BNC2: variants seen among roughly 807,000 people sequenced by gnomAD.
BNC2 encodes basonuclin zinc finger protein 2, also known as zinc finger protein basonuclin-2.
A neutral mutation model predicts 76.3 loss-of-function variants in BNC2; 20 were observed. That is an observed-to-expected ratio of 0.26 (90% CI 0.18 to 0.38). The LOEUF (loss-of-function observed/expected upper bound fraction) is 0.38. Ranked by LOEUF, BNC2 falls within the 10% of genes least tolerant of loss-of-function variation. The probability of loss-of-function intolerance (pLI) is 1.00; values close to 1 mark genes in which losing one functional copy is unlikely to be tolerated. For synonymous variants in BNC2, 582 were observed against 514.8 expected (o/e 1.13, Z -1.77); for missense variants, 1,382 against 1,399.8 (o/e 0.99, Z 0.20).
chr9:16,526,253 T>C (rs1004659981), intron 5 of BNC2, among the ~76,000 whole-genome samples: 2 of 152,062 alleles, frequency 1.3e-5, no homozygotes, highest in Non-Finnish European at 2.9e-5. Flanking sequence ...GCAAAGAATA[T>C]GGTATTTTTC....
At chr9:16,826,733 G>A (rs1473968718) in intron 1 of BNC2, among the ~76,000 whole-genome samples, 4 of 152,244 alleles carry the variant, frequency 2.6e-5, no homozygotes, top group Middle Eastern at 3.4e-3. Context: ...AACCCAAGTG[G>A]ACAATAGCTC....
intron 3 of BNC2, among the ~76,000 whole-genome samples, chr9:16,716,635 C>T (rs987987966): frequency 6.6e-6 from 1 of 152,184 alleles, no homozygotes; most frequent in African/African-American, 2.4e-5. Context: ...TAAAAACAGG[C>T]TATCTCTGAC....
intron 3 of BNC2, among the ~76,000 whole-genome samples, chr9:16,714,783 G>A (rs1245191577): frequency 1.3e-5 from 2 of 152,180 alleles, no homozygotes; most frequent in African/African-American, 4.8e-5. Context: ...ATAACAGGAT[G>A]ACCTTCAATT....
chr9:16,523,353 C>A (rs973270551), intron 5 of BNC2, among the ~76,000 whole-genome samples: 8 of 151,582 alleles, frequency 5.3e-5, no homozygotes, highest in African/African-American at 1.9e-4. Context: ...CGCCTGTGGT[C>A]CCAGCTACTT....
rs112319445 is a variant in BNC2 at position 16,419,590 on chromosome 9, C to A, written c.2699G>T (p.Gly900Val). ...KLLTKELDDM[G>V]LDSSQPSLSK... ...AAGGGAGGGCTGCGACGAGTCCAGG[C>A]CCATGTCATCGAGTTCTTTGGTCAA... The change falls in exon 7 of 7, where the codon GGC becomes GTC. Residue 900 changes from glycine (G) to valine (V), a missense_variant. Around this residue, in one of 3 missense-constraint regions of BNC2, gnomAD observed 798 missense variants for 775.5 expected, o/e 1.03. Coordinates refer to ENST00000380672, the MANE Select transcript of BNC2 (RefSeq NM_017637.6). The A allele has an allele frequency of 3.1e-6, 5 of 1,611,056 alleles. No homozygotes were observed. The highest frequency in any genetic ancestry group is 2.7e-5 in the African/African-American group (2 of 73,832).
In BNC2 at chr9:16,437,184, C is replaced by G. The variant is rs1821035857; in HGVS notation, c.1010G>C (p.Gly337Ala). ...TAACAGTAGCCCATTTGGAGGCAAC[C>G]CTAGCAGTGGTGCTGAGACAGGGTT... ...YINPVSAPLL[G>A]LPPNGLLLEQ... is the part of the protein sequence containing the mutation. Residue 337 changes from glycine to alanine, a missense_variant, in exon 6 of 7, where the codon GGG (glycine) becomes GCG (alanine). Coordinates refer to ENST00000380672, the MANE Select transcript of BNC2 (RefSeq NM_017637.6). 5 of 1,613,986 alleles carry G rather than the reference C, an allele frequency of 3.1e-6. No individual in the cohort carries two copies. The highest frequency in any genetic ancestry group is 3.4e-6 in the Non-Finnish European group (4 of 1,180,030).
intron 1 of BNC2, among the ~76,000 whole-genome samples, chr9:16,770,940 G>A (rs1825817205): frequency 6.6e-6 from 1 of 152,136 alleles, no homozygotes; most frequent in Non-Finnish European, 1.5e-5. Flanking sequence ...GGAGTCCGAG[G>A]CAGGTGGATT....
rs1006977403 is a variant in BNC2 at position 16,413,786 on chromosome 9, G to A, written c.*5203C>T. 6.6e-6 allele frequency: 1 copy of A among 152,184 alleles called. No individual in the cohort carries two copies. The highest frequency in any genetic ancestry group is 1.5e-5 in the Non-Finnish European group (1 of 68,052). The allele number at this position is 152,184 out of a possible 1,614,324, so 9.4% of individuals were successfully genotyped here. On this transcript the variant is annotated 3_prime_UTR_variant, in exon 7 of 7. Transcript: ENST00000380672. ...GTTTATCTCTGAGGGAAAATGTGAA[G>A]AGAAGTTACTTACATACCTCATAGA...
chr9:16,514,499 T>A lies in BNC2; in HGVS notation c.669+38031A>T, dbSNP rs947482220. Among the ~76,000 whole-genome samples the A allele has an allele frequency of 1.4e-3, 206 of 151,982 alleles. 1 individual carries two copies. Among genetic ancestry groups the A allele is most frequent in the African/African-American group, 3.6e-3 (150 of 41,384 alleles). ...ACATCTAATTGTTTAGATTTTTTTTTAAAAAGGGGGGAAAAATACTGGTAA... is the reference window on the plus strand; with the variant it reads ...ACATCTAATTGTTTAGATTTTTTTTAAAAAAGGGGGGAAAAATACTGGTAA... On this transcript the variant is annotated intron_variant, in intron 5 of 6. Transcript: ENST00000380672.
intron 1 of BNC2, among the ~76,000 whole-genome samples, chr9:16,799,110 C>T (rs933073566): frequency 4.6e-5 from 7 of 151,982 alleles, no homozygotes; most frequent in East Asian, 1.9e-4. Context: ...TTATAATGCA[C>T]ATTATTTTCC....
intron 3 of BNC2, among the ~76,000 whole-genome samples, chr9:16,589,552 A>C (rs1819866444): frequency 6.6e-6 from 1 of 151,628 alleles, no homozygotes. Flanking sequence ...TCTGTCACCC[A>C]GGCTGGAGTA....
intron 3 of BNC2, among the ~76,000 whole-genome samples, chr9:16,590,509 G>A (rs1416954465): frequency 1.3e-5 from 2 of 149,762 alleles, no homozygotes; most frequent in African/African-American, 4.9e-5. Context: ...AAGAAAATTT[G>A]TTCTTCAAAG....
chr9:16,418,698 A>ATGTGTGTG lies in BNC2; in HGVS notation c.*283_*290dup, dbSNP rs745647566. The ATGTGTGTG allele has an allele frequency of 8.0e-5, 24 of 300,320 alleles. No individual in the cohort carries two copies. The highest frequency in any genetic ancestry group is 7.7e-4 in the African/African-American group (23 of 29,986). 18.6% of individuals were successfully genotyped at this position (300,320 alleles called of 1,614,324 possible). A position where few individuals can be genotyped will look rare whatever the true frequency, so the allele number is the denominator to read the frequency against. On this transcript the variant is annotated 3_prime_UTR_variant, in exon 7 of 7. Transcript: ENST00000380672. Reference sequence around the variant, plus strand: ...TGTGTGTGTGTGTGTGTGTATGTGCATGTGTGTGTGTGTGTGTTTAAAGGG... The same window carrying ATGTGTGTG: ...TGTGTGTGTGTGTGTGTGTATGTGCATGTGTGTGTGTGTGTGTGTGTGTGTTTAAAGGG...
At chr9:16,603,393 A>G (rs1035438128) in intron 3 of BNC2, among the ~76,000 whole-genome samples, 5 of 152,234 alleles carry the variant, frequency 3.3e-5, no homozygotes. Flanking sequence ...TTAAAAATAA[A>G]CATTTAATAC....
intron 5 of BNC2, among the ~76,000 whole-genome samples, chr9:16,505,094 A>T (rs1422787521): frequency 6.6e-6 from 1 of 152,224 alleles, no homozygotes; most frequent in Non-Finnish European, 1.5e-5. Context: ...TCATCTGTAA[A>T]ATGGAAAGAA....
chr9:16,762,402 C>T (rs904908019), intron 1 of BNC2, among the ~76,000 whole-genome samples: 75 of 152,084 alleles, frequency 4.9e-4, no homozygotes, highest in African/African-American at 1.8e-3. Flanking sequence ...AACAGTATTT[C>T]GAAAAAACAA....
At chr9:16,839,906 A>T (rs1292167307) in intron 1 of BNC2, among the ~76,000 whole-genome samples, 4 of 152,250 alleles carry the variant, frequency 2.6e-5, no homozygotes, top group Non-Finnish European at 5.9e-5. Context: ...ACCCCATGAC[A>T]GTCACCAGAA....
intron 5 of BNC2, among the ~76,000 whole-genome samples, chr9:16,461,958 CAAAT>C (rs1215108120): frequency 3.9e-5 from 6 of 152,196 alleles, no homozygotes; most frequent in African/African-American, 1.2e-4. Flanking sequence ...TGCTTCCTAA[CAAAT>C]AATTTCTTTA....
intron 1 of BNC2, among the ~76,000 whole-genome samples, chr9:16,843,915 A>T (rs766044599): frequency 3.3e-5 from 5 of 152,192 alleles, no homozygotes; most frequent in Non-Finnish European, 7.3e-5. Flanking sequence ...GGATGCAACG[A>T]GTATGTGAAA....
Sources: gnomAD v4.1 joint callset for allele counts (sites outside exome capture counted in the v4.1 genomes callset) on GRCh38, gnomAD v4.1.1 for gene constraint, gnomAD v4.1.1 regional missense constraint, MANE v1.5 for transcripts, NCBI Gene and HGNC (gene_info 2026-07-23, HGNC 2026-07-21) for gene names.